Variants in PRKAR1B observed in about 807,000 individuals in gnomAD.
The protein encoded by PRKAR1B is protein kinase cAMP-dependent type I regulatory subunit beta.
Under a neutral mutation model 46.5 loss-of-function variants are expected in PRKAR1B, and 22 were observed. The observed-to-expected ratio is 0.47, with a 90% confidence interval of 0.34 to 0.68. The LOEUF (loss-of-function observed/expected upper bound fraction) is 0.68. Ranked by LOEUF, PRKAR1B falls within the 30% of genes least tolerant of loss-of-function variation. The pLI is 0.01. For missense variants in PRKAR1B, 445 were observed against 535.6 expected (o/e 0.83, Z 1.67); for synonymous variants, 259 against 217.7 (o/e 1.19, Z -1.67).
Position 550,483 on chromosome 7 carries a change from T to G in PRKAR1B, c.1093A>C (p.Ile365Leu). ...TAACGCTGAATGTTCCTCTTGAGGA[T>G]CTCAGAGCAGGGCCCCAGCACACGC... ...FERVLGPCSE[I>L]LKRNIQRYNS... The change falls in exon 11 of 11, where the codon ATC becomes CTC. Residue 365 changes from isoleucine to leucine, a missense_variant. Around this residue, in one of 5 missense-constraint regions of PRKAR1B, gnomAD observed 127 missense variants for 138.0 expected, o/e 0.92. Coordinates refer to ENST00000537384, the MANE Select transcript of PRKAR1B (RefSeq NM_001164760.2). The G allele has an allele frequency of 6.3e-7, 1 of 1,598,860 alleles. No homozygotes were observed. Among genetic ancestry groups the G allele is most frequent in the Non-Finnish European group, 8.5e-7 (1 of 1,173,336 alleles).
At chr7:662,859 G>A (rs1381343134) in intron 4 of PRKAR1B, among the ~76,000 whole-genome samples, 8 of 152,192 alleles carry the variant, frequency 5.3e-5, no homozygotes, top group African/African-American at 2.4e-5. Context: ...ACCACCTGGG[G>A]CCCAGGCTCT....
rs1786027654 is a variant in PRKAR1B at position 667,995 on chromosome 7, ACAAC to A, written c.440+9230_440+9233del. On this transcript the variant is annotated intron_variant, in intron 4 of 10. Transcript: ENST00000537384. This position sits in a 1 kb window ranked among gnomAD's most constrained non-coding sequence, Gnocchi z 4.3. ...TTCTCCAAGCTTACGTATCTCTCGCACAACCTTATGTATCTCCCACACTGTTACG... is the reference window on the plus strand; with the variant it reads ...TTCTCCAAGCTTACGTATCTCTCGCACTTATGTATCTCCCACACTGTTACG... Among the ~76,000 whole-genome samples, 4 of 152,340 alleles carry A rather than the reference ACAAC, an allele frequency of 2.6e-5. 1 individual carries two copies. In the South Asian group the frequency reaches 8.3e-4, roughly 32 times the overall value.
chr7:660,631 A>G (rs1377683494), intron 4 of PRKAR1B, among the ~76,000 whole-genome samples: 21 of 65,072 alleles, frequency 3.2e-4, no homozygotes, highest in East Asian at 4.9e-4. Context: ...CCATAGCACA[A>G]GTCCCCACCC....
At chr7:558,894 C>T (rs921869007) in intron 9 of PRKAR1B, among the ~76,000 whole-genome samples, 1 of 152,326 alleles carries the variant, frequency 6.6e-6, no homozygotes, top group African/African-American at 2.4e-5. Context: ...AGAGGTCAGT[C>T]GGATCACAGA....
At chr7:640,031 C>T (rs936495669) in intron 4 of PRKAR1B, among the ~76,000 whole-genome samples, 27 of 150,726 alleles carry the variant, frequency 1.8e-4, no homozygotes, top group Admixed American at 8.6e-4. Flanking sequence ...GGCGTGGTGG[C>T]ATGCGCCTGT....
chr7:696,260 G>A (rs542482849), intron 2 of PRKAR1B, among the ~76,000 whole-genome samples: 5 of 151,274 alleles, frequency 3.3e-5, no homozygotes, highest in Non-Finnish European at 7.4e-5. Context: ...ACAGCACCCG[G>A]CCCCAATGGA....
At chr7:722,171 G>T (rs1781098334) in intron 1 of PRKAR1B, among the ~76,000 whole-genome samples, 1 of 140,478 alleles carries the variant, frequency 7.1e-6, no homozygotes, top group South Asian at 2.4e-4. Flanking sequence ...CATGATATTG[G>T]CTCACTACAA....
At chr7:568,939 C>A (rs533670321) in intron 9 of PRKAR1B, among the ~76,000 whole-genome samples, 1 of 139,564 alleles carries the variant, frequency 7.2e-6, no homozygotes, top group Non-Finnish European at 1.5e-5. Context: ...CCGGGGCCCG[C>A]GGGGGGTGGT....
At chr7:656,433 A>G (rs1245188382) in intron 4 of PRKAR1B, among the ~76,000 whole-genome samples, 1 of 152,208 alleles carries the variant, frequency 6.6e-6, no homozygotes, top group African/African-American at 2.4e-5. Context: ...AAATGAATGG[A>G]TAAGTGGGTG....
chr7:676,509 C>T (rs17879577), intron 4 of PRKAR1B, among the ~76,000 whole-genome samples: 10,574 of 152,280 alleles, frequency 0.069, 555 homozygotes, highest in Middle Eastern at 0.18. Flanking sequence ...ACGAAGCCCA[C>T]GGTAATCACA....
chr7:557,539 A>C (rs954732274), intron 9 of PRKAR1B, among the ~76,000 whole-genome samples: 2 of 152,204 alleles, frequency 1.3e-5, no homozygotes, highest in Non-Finnish European at 2.9e-5. Flanking sequence ...GACAGCAGAA[A>C]GACAGGGAAC....
intron 4 of PRKAR1B, among the ~76,000 whole-genome samples, chr7:633,361 C>G (rs1022878559): frequency 2.6e-5 from 4 of 152,162 alleles, no homozygotes; most frequent in Admixed American, 2.0e-4. Context: ...GGAAGGGGCT[C>G]TGTGCACAGG....
chr7:721,413 T>C (rs544063467), intron 1 of PRKAR1B, among the ~76,000 whole-genome samples: 8 of 152,198 alleles, frequency 5.3e-5, no homozygotes, highest in East Asian at 3.9e-4. Flanking sequence ...TTGGGGGGCA[T>C]TGAGGCAGGT....
At chr7:572,959 A>C (rs1779609453) in intron 9 of PRKAR1B, among the ~76,000 whole-genome samples, 1 of 152,202 alleles carries the variant, frequency 6.6e-6, no homozygotes, top group African/African-American at 2.4e-5. Flanking sequence ...TGCTTCAAGA[A>C]AAACAAACGG....
intron 4 of PRKAR1B, among the ~76,000 whole-genome samples, chr7:660,717 CTCCATGGCACAGGT>C (rs1785481109): frequency 7.4e-6 from 1 of 136,044 alleles, no homozygotes; most frequent in Non-Finnish European, 1.6e-5. Flanking sequence ...CTACTCTCCC[CTCCATGGCACAGGT>C]CCCCACCCCA....
At chr7:657,266 C>CGGACGGATGGAT (rs1554299000) in intron 4 of PRKAR1B, among the ~76,000 whole-genome samples, 1 of 98,738 alleles carries the variant, frequency 1.0e-5, no homozygotes. Flanking sequence ...AATGGACGGA[C>CGGACGGATGGAT]GGATGGATGG....
At chr7:654,857 C>G (rs1266908715) in intron 4 of PRKAR1B, among the ~76,000 whole-genome samples, 1 of 152,158 alleles carries the variant, frequency 6.6e-6, no homozygotes, top group Admixed American at 6.5e-5. Flanking sequence ...CACCAACACT[C>G]ATTATCACCA....
At chr7:618,996 G>A (rs758019554) in intron 4 of PRKAR1B, among the ~76,000 whole-genome samples, 32 of 152,202 alleles carry the variant, frequency 2.1e-4, no homozygotes, top group Middle Eastern at 3.4e-3. Flanking sequence ...AATACTCTCC[G>A]ACATGTCTGC....
intron 4 of PRKAR1B, among the ~76,000 whole-genome samples, chr7:629,677 G>A (rs9801193): frequency 5.5e-5 from 3 of 54,452 alleles, no homozygotes; most frequent in Admixed American, 2.1e-4. Flanking sequence ...CGGCCTCCGA[G>A]GGCGCCACCA....
Sources: allele counts gnomAD v4.1 joint callset (sites outside exome capture counted in the v4.1 genomes callset), GRCh38; gene constraint gnomAD v4.1.1; regional missense constraint gnomAD v4.1.1; non-coding constraint Gnocchi (gnomAD v3.1); transcripts MANE v1.5; gene names NCBI Gene and HGNC (gene_info 2026-07-23, HGNC 2026-07-21).